The following AKAP13 variants were observed in gnomAD, a reference collection of about 807,000 sequenced individuals.
The protein encoded by AKAP13 is A-kinase anchor protein 13.
In AKAP13, 80 loss-of-function variants were observed where a neutral mutation model predicts 264.5. That is an observed-to-expected ratio of 0.30 (90% CI 0.25 to 0.36). The LOEUF is 0.36. AKAP13 is among the 10% of genes least tolerant of loss of function. The pLI is 1.00. For missense variants in AKAP13, 3,712 were observed against 3,435.2 expected, an observed-to-expected ratio of 1.08 and a Z score of -2.01; for synonymous variants, 1,380 against 1,250.2, an observed-to-expected ratio of 1.10 and a Z score of -2.19.
intron 15 of AKAP13, among the ~76,000 whole-genome samples, chr15:85,682,784 C>T (rs2084667419): frequency 6.6e-6 from 1 of 152,178 alleles, no homozygotes. Context: ...TCTCCTGCCT[C>T]AGCCTCCTGA....
chr15:85,525,050 A>G (rs1242845187), intron 3 of AKAP13, among the ~76,000 whole-genome samples: 1 of 141,414 alleles, frequency 7.1e-6, no homozygotes, highest in East Asian at 2.0e-4. Context: ...TATTTTATCT[A>G]TCTTTAAATT....
chr15:85,602,400 TC>T (rs1345502180), intron 8 of AKAP13, among the ~76,000 whole-genome samples: 13 of 152,100 alleles, frequency 8.5e-5, no homozygotes, highest in African/African-American at 2.9e-4. Flanking sequence ...GGTCTTGAAC[TC>T]CTGATCTCAG....
At chr15:85,546,414 A>G (rs913459302) in intron 5 of AKAP13, among the ~76,000 whole-genome samples, 12 of 152,112 alleles carry the variant, frequency 7.9e-5, no homozygotes, top group Admixed American at 5.9e-4. Context: ...ACAATGTGGT[A>G]TATTCATATA....
intron 23 of AKAP13, among the ~76,000 whole-genome samples, chr15:85,721,542 G>GTAA (rs1330868450): frequency 2.6e-5 from 4 of 152,204 alleles, no homozygotes. Flanking sequence ...CTGGCCTGAA[G>GTAA]TAAGTAGTAC....
chr15:85,469,732 G>A (rs76357267), intron 1 of AKAP13, among the ~76,000 whole-genome samples: 3,620 of 152,230 alleles, frequency 0.024, 146 homozygotes, highest in African/African-American at 0.082. Context: ...AAATACTAAT[G>A]CATTTATTTT....
intron 1 of AKAP13, among the ~76,000 whole-genome samples, chr15:85,421,237 G>A (rs2072506052): frequency 6.6e-6 from 1 of 152,216 alleles, no homozygotes; most frequent in Non-Finnish European, 1.5e-5. Context: ...TTCTTGTGGT[G>A]CACTAGTCAT....
chr15:85,665,333 A>G (rs1014154903), intron 13 of AKAP13, among the ~76,000 whole-genome samples: 2 of 152,248 alleles, frequency 1.3e-5, no homozygotes, highest in African/African-American at 4.8e-5. Context: ...ATCTGAGACC[A>G]TCTTTTACCC....
At chr15:85,699,119 T>G (rs1450792860) in intron 17 of AKAP13, among the ~76,000 whole-genome samples, 1 of 151,960 alleles carries the variant, frequency 6.6e-6, no homozygotes, top group African/African-American at 2.4e-5. Context: ...AGCATGATCC[T>G]AGTTTATGGA....
At chr15:85,460,321 C>A (rs957107041) in intron 1 of AKAP13, among the ~76,000 whole-genome samples, 2 of 152,176 alleles carry the variant, frequency 1.3e-5, no homozygotes, top group Non-Finnish European at 2.9e-5. Flanking sequence ...TTTATTCTCC[C>A]TGGAAAGTAC....
At chr15:85,443,772 A>AAT (rs1491134630) in intron 1 of AKAP13, among the ~76,000 whole-genome samples, 1 of 145,970 alleles carries the variant, frequency 6.9e-6, no homozygotes, top group South Asian at 2.2e-4. Flanking sequence ...AAAAAAAAAA[A>AAT]GTGTGTGTGT....
intron 8 of AKAP13, among the ~76,000 whole-genome samples, chr15:85,614,123 T>C (rs796439013): frequency 2.0e-5 from 3 of 152,288 alleles, no homozygotes; most frequent in African/African-American, 7.2e-5. Context: ...GTGTGCACCA[T>C]GTCAGAGGAT....
intron 1 of AKAP13, among the ~76,000 whole-genome samples, chr15:85,399,993 G>A (rs572828445): frequency 3.9e-5 from 6 of 152,160 alleles, no homozygotes; most frequent in African/African-American, 7.2e-5. Flanking sequence ...ATGGTGTCTC[G>A]CTGTGTTGAC....
intron 8 of AKAP13, among the ~76,000 whole-genome samples, chr15:85,622,224 C>T (rs2081225626): frequency 6.6e-6 from 1 of 152,120 alleles, no homozygotes; most frequent in African/African-American, 2.4e-5. Flanking sequence ...GAGTAGGGTG[C>T]TGTGTAGGGA....
intron 1 of AKAP13, among the ~76,000 whole-genome samples, chr15:85,439,022 T>C (rs2073479816): frequency 6.8e-6 from 1 of 146,604 alleles, no homozygotes; most frequent in Non-Finnish European, 1.5e-5. Flanking sequence ...ACCATCAGAG[T>C]GAACAGGCAA....
intron 5 of AKAP13, among the ~76,000 whole-genome samples, chr15:85,552,628 C>CTTTT (rs55743971): frequency 9.6e-5 from 12 of 125,062 alleles, no homozygotes; most frequent in Admixed American, 3.5e-4. Flanking sequence ...TTTTTTTGGC[C>CTTTT]TTTTTTTTTT....
chr15:85,661,422 T>G (rs545473033), intron 12 of AKAP13, among the ~76,000 whole-genome samples: 1 of 152,150 alleles, frequency 6.6e-6, no homozygotes, highest in Non-Finnish European at 1.5e-5. Context: ...TCCTTTTTTT[T>G]AAATTTTTAT....
At chr15:85,711,303 C>T (rs1267097522) in intron 19 of AKAP13, among the ~76,000 whole-genome samples, 2 of 152,142 alleles carry the variant, frequency 1.3e-5, no homozygotes, top group African/African-American at 2.4e-5. Context: ...AAACCATTTT[C>T]ACCAGTGCAT....
chr15:85,521,352 A>G, intron 2 of AKAP13, 76 bp from the exon 3 acceptor site: 1 of 1,531,156 alleles, frequency 6.5e-7, no homozygotes, highest in African/African-American at 1.4e-5. Flanking sequence ...TTTCCCTTAA[A>G]TATGATGTTT....
chr15:85,726,509 T>C, intron 27 of AKAP13, 23 bp downstream of exon 27: 1 of 1,580,696 alleles, frequency 6.3e-7, no homozygotes, highest in Non-Finnish European at 8.7e-7. Context: ...GTTATTTTTG[T>C]AATAGTATTA....
Sources: allele counts gnomAD v4.1 joint callset (sites outside exome capture counted in the v4.1 genomes callset), GRCh38; gene constraint gnomAD v4.1.1; transcripts MANE v1.5; gene names NCBI Gene and HGNC (gene_info 2026-07-23, HGNC 2026-07-21).